SGCG: variants seen among roughly 807,000 people sequenced by gnomAD.
SGCG encodes the protein gamma-sarcoglycan.
SGCG carries 26 observed loss-of-function variants against 29.3 expected under a neutral mutation model. The observed-to-expected ratio is 0.89, with a 90% CI of 0.65 to 1.23. SGCG has a LOEUF of 1.23. SGCG is among the 50% of genes most tolerant of loss of function. The pLI is 0.00. For missense variants in SGCG, 353 were observed against 356.0 expected (o/e 0.99, Z 0.07); for synonymous variants, 145 against 129.7 (o/e 1.12, Z -0.80).
intron 5 of SGCG, among the ~76,000 whole-genome samples, chr13:23,281,659 G>T (rs1881310279): frequency 2.6e-5 from 4 of 152,158 alleles, no homozygotes; most frequent in Admixed American, 2.6e-4. Context: ...GATGGTTTTG[G>T]GATGAAACTA....
the SGCG span, among the ~76,000 whole-genome samples, chr13:23,163,639 A>G: frequency 2.0e-5 from 3 of 152,212 alleles, no homozygotes; most frequent in Admixed American, 6.5e-5. Context: ...GCTGAACTGG[A>G]CAAGTAACAT....
intron 2 of SGCG, among the ~76,000 whole-genome samples, chr13:23,219,411 T>A (rs956243027): frequency 1.3e-5 from 2 of 152,204 alleles, no homozygotes; most frequent in Non-Finnish European, 2.9e-5. Context: ...ACTTTTAATG[T>A]CTAAATAGAG....
chr13:23,271,071 G>C (rs1415725048), intron 4 of SGCG, among the ~76,000 whole-genome samples: 1 of 151,994 alleles, frequency 6.6e-6, no homozygotes, highest in Non-Finnish European at 1.5e-5. Context: ...AATTAGCCAG[G>C]CGTGGTGGCA....
At chr13:23,294,233 A>C (rs1881823107) in intron 5 of SGCG, among the ~76,000 whole-genome samples, 2 of 152,236 alleles carry the variant, frequency 1.3e-5, no homozygotes, top group African/African-American at 4.8e-5. Flanking sequence ...TAAGATAGGC[A>C]TGAGCAACCT....
chr13:23,189,453 G>A (rs1273721308), intron 1 of SGCG, among the ~76,000 whole-genome samples: 1 of 152,218 alleles, frequency 6.6e-6, no homozygotes, highest in African/African-American at 2.4e-5. Context: ...TGGAATTACA[G>A]GCGTGAGCCA....
chr13:23,258,992 A>G (rs1023919100), intron 4 of SGCG, among the ~76,000 whole-genome samples: 1 of 152,112 alleles, frequency 6.6e-6, no homozygotes, highest in Non-Finnish European at 1.5e-5. Flanking sequence ...CATCAGGGAT[A>G]TTGGTCTAAA....
At chr13:23,313,444 C>T (rs1882680411) in intron 6 of SGCG, among the ~76,000 whole-genome samples, 1 of 152,140 alleles carries the variant, frequency 6.6e-6, no homozygotes, top group Admixed American at 6.5e-5. Context: ...GGATTACAGA[C>T]GTGAGCCACT....
Position 23,324,370 on chromosome 13 carries a change from T to A in SGCG, c.705T>A (p.Leu235=), listed in dbSNP as rs1800353. ...DILFHSSDGM[L]VLDAETVCLP... ...GTCTCTCATCTTCTCCCAACCAGCT[T>A]GTGCTTGATGCTGAAACTGTGTGCT... Residue 235 remains leucine, a splice_region_variant and synonymous_variant, in exon 8 of 8, where the codon CTT becomes CTA. Transcript: ENST00000218867. 1 of 1,613,898 alleles carries A rather than the reference T, an allele frequency of 6.2e-7. No individual in the cohort carries two copies. Among genetic ancestry groups the A allele is most frequent in the Non-Finnish European group, 8.5e-7 (1 of 1,179,930 alleles).
intron 3 of SGCG, among the ~76,000 whole-genome samples, chr13:23,238,792 A>G (rs1032702436): frequency 2.0e-5 from 3 of 152,266 alleles, no homozygotes; most frequent in Non-Finnish European, 4.4e-5. Flanking sequence ...GATGAAAAGT[A>G]TAACAACTGA....
At chr13:23,164,716 C>G in the SGCG span, among the ~76,000 whole-genome samples, 2 of 152,234 alleles carry the variant, frequency 1.3e-5, no homozygotes, top group East Asian at 3.9e-4. Flanking sequence ...TCCCATTAAG[C>G]TTGACACAGT....
chr13:23,273,322 T>C (rs1880939726), intron 4 of SGCG, among the ~76,000 whole-genome samples: 1 of 152,090 alleles, frequency 6.6e-6, no homozygotes, highest in Admixed American at 6.5e-5. Context: ...ATAGCTGGGA[T>C]TACAGGCATG....
Position 23,243,309 on chromosome 13 carries a change from G to A in SGCG, c.298-7321G>A, listed in dbSNP as rs73436814. Among the ~76,000 whole-genome samples the A allele has an allele frequency of 1.7e-3, 258 of 152,242 alleles. 1 individual carries two copies. The highest frequency in any genetic ancestry group is 5.8e-3 in the African/African-American group (239 of 41,554). ...ACCCGCCTGCCCCTCATAATCACTA[G>A]ACAGTTATGAGGCCACATCCAAGAC... On this transcript the variant is annotated intron_variant, in intron 3 of 7. Coordinates refer to ENST00000218867, the MANE Select transcript of SGCG (RefSeq NM_000231.3).
At chr13:23,167,767 C>T in the SGCG span, among the ~76,000 whole-genome samples, 8 of 151,542 alleles carry the variant, frequency 5.3e-5, no homozygotes, top group East Asian at 1.2e-3. Context: ...AGTCTTGCTC[C>T]GGCACCCAGG....
chr13:23,241,644 A>G (rs543868374), intron 3 of SGCG, among the ~76,000 whole-genome samples: 35 of 152,350 alleles, frequency 2.3e-4, no homozygotes, highest in African/African-American at 8.2e-4. Flanking sequence ...CCATGATATC[A>G]AAACCAAACA....
At chr13:23,209,911 A>T (rs549392721) in intron 2 of SGCG, among the ~76,000 whole-genome samples, 5 of 152,358 alleles carry the variant, frequency 3.3e-5, no homozygotes, top group African/African-American at 7.2e-5. Flanking sequence ...GAAAACTAGT[A>T]CAATGTTACT....
intron 5 of SGCG, among the ~76,000 whole-genome samples, chr13:23,291,510 T>C (rs1297772346): frequency 2.0e-5 from 3 of 152,188 alleles, no homozygotes; most frequent in African/African-American, 7.2e-5. Flanking sequence ...TATACGCAAA[T>C]AGGTTCTGAG....
intron 2 of SGCG, among the ~76,000 whole-genome samples, 179 bp from the exon 3 acceptor site, chr13:23,234,432 C>G (rs766438925): frequency 3.3e-5 from 5 of 151,584 alleles, no homozygotes; most frequent in Non-Finnish European, 7.4e-5. Context: ...TGTATTTATA[C>G]AAGATTTAAT....
intron 5 of SGCG, among the ~76,000 whole-genome samples, chr13:23,294,092 G>A (rs4769255): frequency 0.091 from 13,795 of 152,240 alleles, 687 homozygotes; most frequent in South Asian, 0.13. Context: ...AAAGTGCACA[G>A]TGTGAGGATG....
chr13:23,280,836 G>T (rs1317494434), intron 5 of SGCG, among the ~76,000 whole-genome samples: 1 of 152,216 alleles, frequency 6.6e-6, no homozygotes, highest in East Asian at 1.9e-4. Flanking sequence ...AGTGAAATCT[G>T]CAGGGAAAAT....
Sources: allele counts gnomAD v4.1 joint callset (sites outside exome capture counted in the v4.1 genomes callset), GRCh38; gene constraint gnomAD v4.1.1; transcripts MANE v1.5; gene names NCBI Gene and HGNC (gene_info 2026-07-23, HGNC 2026-07-21).